The following RAD52 variants were observed in gnomAD, a reference collection of about 807,000 sequenced individuals.
RAD52 encodes DNA repair protein RAD52 homolog.
RAD52 carries 47 observed loss-of-function variants against 55.5 expected under a neutral mutation model. That is an observed-to-expected ratio of 0.85 (90% confidence interval 0.67 to 1.08). RAD52 has a LOEUF of 1.08. Ranked by LOEUF, RAD52 falls within the 50% of genes least tolerant of loss-of-function variation. The pLI is 0.00. For missense variants in RAD52, 468 were observed against 522.8 expected (o/e 0.90, Z 1.02); for synonymous variants, 184 against 198.9 (o/e 0.92, Z 0.63).
At chr12:939,078 G>GTGTGTA (rs1342924719) in intron 1 of RAD52, among the ~76,000 whole-genome samples, 1 of 125,202 alleles carries the variant, frequency 8.0e-6, no homozygotes, top group Non-Finnish European at 1.8e-5. Flanking sequence ...GTGTGTGTGT[G>GTGTGTA]TGTGTGTAGA....
At chr12:917,770 C>CAAAAAAAAAA (rs71055103) in intron 7 of RAD52, among the ~76,000 whole-genome samples, 2 of 107,344 alleles carry the variant, frequency 1.9e-5, no homozygotes, top group Non-Finnish European at 3.6e-5. Context: ...ACTAAAAATA[C>CAAAAAAAAAA]AAAAAAAAAA....
intron 1 of RAD52, among the ~76,000 whole-genome samples, chr12:984,995 C>T (rs1959068003): frequency 1.3e-5 from 2 of 151,634 alleles, no homozygotes; most frequent in Admixed American, 6.6e-5. Flanking sequence ...ATTTTTAGTA[C>T]AGACAGGGTT....
chr12:913,229 T>G lies in RAD52; in HGVS notation c.*162A>C, dbSNP rs1255615635. The G allele has an allele frequency of 1.5e-6, 1 of 668,354 alleles. No individual in the cohort carries two copies. Among genetic ancestry groups the G allele is most frequent in the African/African-American group, 1.8e-5 (1 of 54,958 alleles). 41.4% of individuals were successfully genotyped at this position (668,354 alleles called of 1,614,324 possible). On this transcript the variant is annotated 3_prime_UTR_variant, in exon 12 of 12. Transcript: ENST00000358495. ...CTTTTCAAAAGTGCTCAGCTCTAAC[T>G]GCAGTGGGCTCTCAGTCAGATCCTC...
At chr12:971,938 CG>C (rs1206250659) in intron 1 of RAD52, among the ~76,000 whole-genome samples, 1 of 152,036 alleles carries the variant, frequency 6.6e-6, no homozygotes, top group African/African-American at 2.4e-5. Context: ...TTAGTAGAGA[CG>C]GGGTTTCACC....
At chr12:932,212 A>T (rs1458258147) in intron 2 of RAD52, among the ~76,000 whole-genome samples, 1 of 151,990 alleles carries the variant, frequency 6.6e-6, no homozygotes, top group Admixed American at 6.5e-5. Context: ...AAAAAAATTA[A>T]GCCCGGGCGT....
intron 1 of RAD52, among the ~76,000 whole-genome samples, chr12:969,260 C>G (rs2154121135): frequency 6.6e-6 from 1 of 152,064 alleles, no homozygotes; most frequent in East Asian, 1.9e-4. Flanking sequence ...TGAGGAACAA[C>G]TACATATATT....
In RAD52 at chr12:927,126, C is replaced by G; in HGVS notation, c.467+19G>C. ...AAGAGCTGAAATGACGCAGGTTAGA[C>G]TCCCAGCCCCGCGCTCACCTGAGGG... On this transcript the variant is annotated intron_variant, in intron 6 of 11. Transcript: ENST00000358495. 1.2e-6 allele frequency: 2 copies of G among 1,604,798 alleles called. No homozygotes were observed. Among genetic ancestry groups the G allele is most frequent in the Non-Finnish European group, 1.7e-6 (2 of 1,171,860 alleles).
In RAD52 at chr12:933,088, A is replaced by G. The variant is rs745699590; in HGVS notation, c.-18-12T>C. 2 of 1,547,130 alleles carry G rather than the reference A, an allele frequency of 1.3e-6. No homozygotes were observed. The highest frequency in any genetic ancestry group is 1.2e-5 in the South Asian group (1 of 85,966). On this transcript the variant is annotated splice_polypyrimidine_tract_variant and intron_variant, in intron 1 of 11. Transcript: ENST00000358495. Reference sequence around the variant, plus strand: ...ATTCTGGTTGACCTCTATATAAATAAAAAGCGGAAAAAAAAAACAACCCTC... The same window carrying G: ...ATTCTGGTTGACCTCTATATAAATAGAAAGCGGAAAAAAAAAACAACCCTC...
chr12:979,748 TTTA>T (rs1172680783), intron 1 of RAD52, among the ~76,000 whole-genome samples: 1 of 152,010 alleles, frequency 6.6e-6, no homozygotes, highest in Non-Finnish European at 1.5e-5. Context: ...TTTGCAGTAT[TTTA>T]TTATGGCAGC....
intron 1 of RAD52, among the ~76,000 whole-genome samples, chr12:936,622 A>C (rs1957647407): frequency 6.6e-6 from 1 of 152,114 alleles, no homozygotes; most frequent in Non-Finnish European, 1.5e-5. Flanking sequence ...CCTCCAGAGT[A>C]GACAGGACTA....
rs1956419727 is a variant in RAD52, at chr12:916,876, T to C, written c.544-56A>G. On this transcript the variant is annotated intron_variant, in intron 7 of 11. Coordinates refer to ENST00000358495, the MANE Select transcript of RAD52 (RefSeq NM_134424.4). ...CAACTGGCTCTTGCCCTCCGCTGCT[T>C]CTCCCTGACTCACAGATTGCGATTC... 1.1e-5 allele frequency: 17 copies of C among 1,558,390 alleles called. No homozygotes were observed. In the East Asian group the frequency reaches 3.9e-4, roughly 35 times the overall value.
At chr12:971,977 T>C (rs1223300534) in intron 1 of RAD52, among the ~76,000 whole-genome samples, 1 of 152,198 alleles carries the variant, frequency 6.6e-6, no homozygotes, top group Non-Finnish European at 1.5e-5. Context: ...CTCGATCTCC[T>C]GACCTCGTGA....
chr12:953,481 T>C (rs1201433245), upstream of RAD52, among the ~76,000 whole-genome samples: 1 of 152,116 alleles, frequency 6.6e-6, no homozygotes, highest in Non-Finnish European at 1.5e-5. Context: ...TGTCATTACT[T>C]AGTCAAATAA....
chr12:945,332 G>T (rs1477745470), intron 1 of RAD52, among the ~76,000 whole-genome samples: 1 of 148,648 alleles, frequency 6.7e-6, no homozygotes, highest in African/African-American at 2.5e-5. Context: ...GCCTGAGCAA[G>T]AGTGAGACTC....
chr12:954,059 CTTT>C (rs1958571981), upstream of RAD52, among the ~76,000 whole-genome samples: 1 of 152,098 alleles, frequency 6.6e-6, no homozygotes, highest in African/African-American at 2.4e-5. Context: ...GAAATGTTAT[CTTT>C]TTTAAAAAAA....
intron 1 of RAD52, among the ~76,000 whole-genome samples, chr12:941,668 T>C (rs1754311203): frequency 6.6e-6 from 1 of 151,854 alleles, no homozygotes; most frequent in African/African-American, 2.4e-5. Flanking sequence ...GTTTTGCTCT[T>C]GTTGCCCAGG....
chr12:916,083 C>A, intron 9 of RAD52: 1 of 1,007,906 alleles, frequency 9.9e-7, no homozygotes, highest in East Asian at 3.9e-5. Flanking sequence ...CCTGAAATTT[C>A]TAATTCTAGA....
chr12:931,930 C>T (rs1041603344), intron 2 of RAD52, among the ~76,000 whole-genome samples: 10 of 152,156 alleles, frequency 6.6e-5, no homozygotes, highest in East Asian at 3.8e-4. Context: ...TTGCCCTGCT[C>T]AGATGAGATG....
intron 1 of RAD52, among the ~76,000 whole-genome samples, chr12:942,651 G>A (rs2154117890): frequency 6.6e-6 from 1 of 152,076 alleles, no homozygotes; most frequent in Non-Finnish European, 1.5e-5. Flanking sequence ...GGAGGCTGGG[G>A]CAGGAGAATC....
Sources: gnomAD v4.1 joint callset for allele counts (sites outside exome capture counted in the v4.1 genomes callset) on GRCh38, gnomAD v4.1.1 for gene constraint, MANE v1.5 for transcripts, NCBI Gene and HGNC (gene_info 2026-07-23, HGNC 2026-07-21) for gene names.